The following PACC1 variants were observed in gnomAD, a reference collection of about 807,000 sequenced individuals.
PACC1 encodes the protein proton-activated chloride channel.
In PACC1, 34 loss-of-function variants were observed where a neutral mutation model predicts 39.7. That is an observed-to-expected ratio of 0.86 (90% CI 0.65 to 1.14). The LOEUF is 1.14. PACC1 is among the 50% of genes most tolerant of loss of function. PACC1 has a pLI of 0.00. For missense variants in PACC1, 379 were observed against 436.4 expected (o/e 0.87, Z 1.17); for synonymous variants, 127 against 160.6 (o/e 0.79, Z 1.58).
chr1:212,377,638 A>G lies in PACC1; in HGVS notation c.707T>C (p.Phe236Ser). ...CAGTGACATCTTGACCCAGGTGCGGAAGCCCCCAGAGAACTTCCAGCTGGA... is the reference window on the plus strand; with the variant it reads ...CAGTGACATCTTGACCCAGGTGCGGGAGCCCCCAGAGAACTTCCAGCTGGA... ...AYSSWKFSGGFRTWVKMSLVK... is the reference protein window; with the variant it reads ...AYSSWKFSGGSRTWVKMSLVK... Residue 236 changes from phenylalanine to serine, a missense_variant, in exon 6 of 8, where the codon TTC becomes TCC. Physicochemically the swap from Phe to Ser is radical, Grantham distance 155. Coordinates refer to ENST00000261455, the MANE Select transcript of PACC1 (RefSeq NM_018252.3). 6.2e-7 allele frequency: 1 copy of G among 1,614,146 alleles called. No homozygotes were observed.
chr1:212,402,409 G>A (rs903378235), intron 2 of PACC1, among the ~76,000 whole-genome samples: 1 of 152,172 alleles, frequency 6.6e-6, no homozygotes, highest in Non-Finnish European at 1.5e-5. Flanking sequence ...TTTCCTTGAT[G>A]ACTAATGATG....
intron 2 of PACC1, among the ~76,000 whole-genome samples, chr1:212,409,776 C>G (rs756876785): frequency 6.6e-6 from 1 of 152,106 alleles, no homozygotes; most frequent in Non-Finnish European, 1.5e-5. Flanking sequence ...ATGGGAGTCA[C>G]GTGTGAGCAA....
intron 2 of PACC1, chr1:212,410,087 C>T (rs918496592): frequency 3.6e-6 from 1 of 278,772 alleles, no homozygotes; most frequent in Admixed American, 4.2e-5. Context: ...AAAGAGGGGG[C>T]CTATTAGATC....
chr1:212,366,457 C>T (rs1660248732), intron 7 of PACC1, among the ~76,000 whole-genome samples: 1 of 151,870 alleles, frequency 6.6e-6, no homozygotes, highest in East Asian at 1.9e-4. Flanking sequence ...CATGCCACCA[C>T]GGCCGGCTAA....
At chr1:212,370,466 C>A (rs1479590267) in intron 7 of PACC1, among the ~76,000 whole-genome samples, 1 of 152,248 alleles carries the variant, frequency 6.6e-6, no homozygotes, top group Non-Finnish European at 1.5e-5. Context: ...GAGACTCCGT[C>A]TCAAAACTCC....
intron 6 of PACC1, among the ~76,000 whole-genome samples, chr1:212,376,314 T>C (rs562622576): frequency 6.6e-6 from 1 of 152,322 alleles, no homozygotes; most frequent in African/African-American, 2.4e-5. Flanking sequence ...AACTCTAAAA[T>C]GTGATTTTAA....
chr1:212,413,054 A>G (rs1239641470), intron 1 of PACC1, among the ~76,000 whole-genome samples: 3 of 152,196 alleles, frequency 2.0e-5, no homozygotes, highest in Non-Finnish European at 4.4e-5. Context: ...TGTGCTCCAC[A>G]CCCTATAAAC....
intron 2 of PACC1, among the ~76,000 whole-genome samples, chr1:212,395,339 G>C (rs1057048679): frequency 2.0e-5 from 3 of 152,184 alleles, no homozygotes; most frequent in African/African-American, 7.2e-5. Flanking sequence ...AATGGGGAAA[G>C]GATTCCCTAT....
At chr1:212,387,962 G>T (rs1558173546) in intron 2 of PACC1, among the ~76,000 whole-genome samples, 1 of 150,642 alleles carries the variant, frequency 6.6e-6, no homozygotes, top group Non-Finnish European at 1.5e-5. Flanking sequence ...GCTGAGGCAG[G>T]AGAATTGCTT....
chr1:212,409,383 T>C (rs1662040577), intron 2 of PACC1, among the ~76,000 whole-genome samples: 1 of 152,080 alleles, frequency 6.6e-6, no homozygotes, highest in Admixed American at 6.6e-5. Flanking sequence ...TGAAGAATGA[T>C]TAGGCATTAA....
chr1:212,404,116 TA>T (rs1661816762), intron 2 of PACC1, among the ~76,000 whole-genome samples: 1 of 152,038 alleles, frequency 6.6e-6, no homozygotes. Flanking sequence ...TTTATTTATT[TA>T]TTTTTTTGAG....
At chr1:212,381,748 A>AATGC (rs1660900519) in intron 4 of PACC1, among the ~76,000 whole-genome samples, 6 of 99,656 alleles carry the variant, frequency 6.0e-5, no homozygotes, top group Admixed American at 5.0e-4. Context: ...GGACCAGAAC[A>AATGC]ATGCCCAGGG....
In PACC1 at chr1:212,383,959, G is replaced by T. The variant is rs544559701; in HGVS notation, c.495+1315C>A. On this transcript the variant is annotated intron_variant, in intron 4 of 7. Transcript: ENST00000261455. ...TCTGCATACCTGGGGAGGGTATAGG[G>T]TGTGTCTGGCCCAGCCAACAGGCAG... is the stretch of plus-strand genomic sequence containing the variant. Among the ~76,000 whole-genome samples the T allele has an allele frequency of 9.8e-5, 15 of 152,292 alleles. No individual in the cohort carries two copies. In the South Asian group the frequency reaches 3.1e-3, roughly 32 times the overall value.
chr1:212,383,236 G>A (rs1660971646), intron 4 of PACC1, among the ~76,000 whole-genome samples: 1 of 152,100 alleles, frequency 6.6e-6, no homozygotes, highest in Non-Finnish European at 1.5e-5. Context: ...TTATTTCAAG[G>A]GTTTTTACAC....
At chr1:212,381,154 G>A (rs182932479) in intron 4 of PACC1, among the ~76,000 whole-genome samples, 1 of 152,220 alleles carries the variant, frequency 6.6e-6, no homozygotes, top group East Asian at 1.9e-4. Context: ...TGTTTAAATC[G>A]TGCTCTAAAG....
intron 2 of PACC1, among the ~76,000 whole-genome samples, chr1:212,400,205 A>AACGATG (rs929487340): frequency 4.0e-4 from 61 of 152,338 alleles, no homozygotes; most frequent in African/African-American, 1.3e-3. Context: ...AATAAAGACG[A>AACGATG]ACGATGACTG....
chr1:212,398,025 A>G (rs957562759), intron 2 of PACC1, among the ~76,000 whole-genome samples: 1 of 152,182 alleles, frequency 6.6e-6, no homozygotes, highest in African/African-American at 2.4e-5. Context: ...AATCATTTCC[A>G]TTTTACAGGA....
At chr1:212,414,003 G>A (rs2102554266) in intron 1 of PACC1, 1 of 1,535,846 alleles carries the variant, frequency 6.5e-7, no homozygotes, top group Non-Finnish European at 8.7e-7. Context: ...TGGAGGCGGA[G>A]GAGGAGAGCA....
intron 2 of PACC1, among the ~76,000 whole-genome samples, chr1:212,398,809 C>T (rs565652219): frequency 2.6e-5 from 4 of 152,338 alleles, no homozygotes; most frequent in African/African-American, 7.2e-5. Flanking sequence ...AGTCCTTCTC[C>T]GTGAGTCTTG....
Sources: gnomAD v4.1 joint callset for allele counts (sites outside exome capture counted in the v4.1 genomes callset) on GRCh38, gnomAD v4.1.1 for gene constraint, MANE v1.5 for transcripts, NCBI Gene and HGNC (gene_info 2026-07-23, HGNC 2026-07-21) for gene names.